PDIA6: variants seen among roughly 807,000 people sequenced by gnomAD.
PDIA6 encodes the protein protein disulfide-isomerase A6.
In PDIA6, 29 loss-of-function variants were observed where a neutral mutation model predicts 58.4. The ratio of observed to expected loss-of-function variants is 0.50; its 90% CI spans 0.37 to 0.68. The LOEUF is 0.68. Ranked by LOEUF, PDIA6 falls within the 30% of genes least tolerant of loss-of-function variation. The pLI is 0.00. For missense variants in PDIA6, 480 were observed against 551.0 expected (o/e 0.87, Z 1.29); for synonymous variants, 192 against 202.6 (o/e 0.95, Z 0.44).
intron 1 of PDIA6, among the ~76,000 whole-genome samples, chr2:10,825,515 A>G (rs1686490): frequency 0.99 from 151,020 of 152,306 alleles, 74,889 homozygotes; most frequent in Middle Eastern, 1. Flanking sequence ...TTTGTGCTTC[A>G]AAGGGCACCA....
chr2:10,834,733 T>TTCCTC (rs1667791394), upstream of PDIA6, among the ~76,000 whole-genome samples: 5 of 9,042 alleles, frequency 5.5e-4, no homozygotes, highest in African/African-American at 1.6e-3. Context: ...CTTCCTTCCC[T>TTCCTC]CCTTCCTTCC....
intron 2 of PDIA6, among the ~76,000 whole-genome samples, chr2:10,800,925 A>G (rs991091079): frequency 2.6e-5 from 4 of 152,116 alleles, no homozygotes; most frequent in Admixed American, 6.5e-5. Flanking sequence ...AAGTTTTATT[A>G]TAAGAATCCA....
At chr2:10,827,168 A>G (rs1667576137) in intron 1 of PDIA6, among the ~76,000 whole-genome samples, 1 of 152,016 alleles carries the variant, frequency 6.6e-6, no homozygotes, top group Non-Finnish European at 1.5e-5. Context: ...GGTTTAAGCA[A>G]TTTCCTGCCT....
chr2:10,807,481 C>T (rs1175083436), intron 1 of PDIA6, among the ~76,000 whole-genome samples: 5 of 152,312 alleles, frequency 3.3e-5, no homozygotes, highest in East Asian at 1.9e-4. Flanking sequence ...TGAGTGACCA[C>T]GCCAGGCCAA....
At chr2:10,791,182 T>C (rs1269113193) in intron 6 of PDIA6, among the ~76,000 whole-genome samples, 2 of 151,718 alleles carry the variant, frequency 1.3e-5, no homozygotes, top group Admixed American at 6.6e-5. Context: ...CTCCTTCTAT[T>C]ATCCAGGATG....
At position 10,826,687 on chromosome 2, in the gene PDIA6, A is replaced by C. The variant is rs1247134533; in HGVS notation, c.-48+5515T>G. On this transcript the variant is annotated intron_variant, in intron 1 of 13. Transcript: ENST00000381611. ...ATTATACGCTTTAATTGGGTGAATCATATGGTGTGTGGATTATATCTCAAT... is the reference window on the plus strand; with the variant it reads ...ATTATACGCTTTAATTGGGTGAATCCTATGGTGTGTGGATTATATCTCAAT... 5.3e-5 allele frequency among the ~76,000 whole-genome samples: 8 copies of C among 152,260 alleles called. No individual in the cohort carries two copies. The East Asian group carries it at 1.4e-3, about 26-fold the overall frequency.
intron 1 of PDIA6, chr2:10,810,433 G>C (rs1042714490): frequency 7.1e-7 from 1 of 1,400,772 alleles, no homozygotes; most frequent in African/African-American, 1.5e-5. Context: ...GCAGTCACCA[G>C]AACAGACCAG....
Position 10,789,870 on chromosome 2 carries a change from A to G in PDIA6, c.719T>C (p.Ile240Thr), listed in dbSNP as rs1665952047. 1.9e-6 allele frequency: 3 copies of G among 1,613,644 alleles called. No individual in the cohort carries two copies. The highest frequency in any genetic ancestry group is 1.7e-6 in the Non-Finnish European group (2 of 1,179,636). The stretch of plus-strand genomic sequence containing the variant: ...AGACTCGCCTTTCTGAAATATCTTG[A>G]TTGTAGGAAATCCTCTAATCTATTA... Reference protein sequence around the residue: ...SRYGIRGFPTIKIFQKGESPV... With the variant: ...SRYGIRGFPTTKIFQKGESPV... Residue 240 changes from isoleucine (I) to threonine (T), a missense_variant, in exon 8 of 13, where the codon ATC becomes ACC. Physicochemically the swap from Ile to Thr is moderately conservative, Grantham distance 89. Coordinates refer to ENST00000272227, the MANE Select transcript of PDIA6 (RefSeq NM_005742.4).
At chr2:10,784,559 A>G (rs1665611386) in intron 12 of PDIA6, 1 of 502,356 alleles carries the variant, frequency 2.0e-6, no homozygotes, top group Non-Finnish European at 3.5e-6. Context: ...ACTGGAAGCC[A>G]CTTGAACGTG....
chr2:10,803,796 G>C (rs145937321), intron 1 of PDIA6, among the ~76,000 whole-genome samples: 1 of 152,228 alleles, frequency 6.6e-6, no homozygotes, highest in African/African-American at 2.4e-5. Flanking sequence ...CATATATGAG[G>C]GTGGTCCTGT....
chr2:10,800,580 AT>A (rs954768324), intron 2 of PDIA6, among the ~76,000 whole-genome samples: 29 of 40,398 alleles, frequency 7.2e-4, no homozygotes, highest in African/African-American at 1.1e-3. Context: ...TTTGATTTTG[AT>A]TTTTTTTTTT....
chr2:10,810,377 A>C (rs989353794), intron 1 of PDIA6: 1 of 1,500,566 alleles, frequency 6.7e-7, no homozygotes, highest in Admixed American at 2.1e-5. Context: ...AATCAAGGAC[A>C]GCAATAACGT....
chr2:10,832,008 C>G (rs1197334362), intron 1 of PDIA6, among the ~76,000 whole-genome samples: 1 of 103,298 alleles, frequency 9.7e-6, no homozygotes, highest in Admixed American at 1.5e-4. Context: ...CAGAGCAAGA[C>G]CCTGTCTCAA....
At chr2:10,797,602 A>G (rs1666324304) in intron 3 of PDIA6, 98 bp downstream of exon 3, 2 of 828,776 alleles carry the variant, frequency 2.4e-6, no homozygotes, top group East Asian at 2.4e-5. Context: ...AACCATCTGC[A>G]TACTTATTAC....
intron 11 of PDIA6, among the ~76,000 whole-genome samples, chr2:10,785,401 G>C (rs1452901154): frequency 6.6e-6 from 1 of 152,212 alleles, no homozygotes; most frequent in African/African-American, 2.4e-5. Context: ...TGTACAGAGG[G>C]AGCATATCAG....
intron 11 of PDIA6, 110 bp downstream of exon 11, chr2:10,787,170 AT>A: frequency 2.2e-6 from 2 of 911,854 alleles, no homozygotes; most frequent in Non-Finnish European, 3.5e-6. Flanking sequence ...ATTAGTTTGC[AT>A]TTTAAATTCC....
chr2:10,788,630 A>C, intron 10 of PDIA6, 67 bp downstream of exon 10: 3 of 1,043,816 alleles, frequency 2.9e-6, no homozygotes, highest in Non-Finnish European at 4.5e-6. Context: ...ACACGGGGGA[A>C]CCACTCTCAA....
intron 2 of PDIA6, among the ~76,000 whole-genome samples, chr2:10,802,123 C>T (rs1475662524): frequency 6.6e-6 from 1 of 152,206 alleles, no homozygotes; most frequent in Non-Finnish European, 1.5e-5. Context: ...TTTTACCCCA[C>T]AAGGGTTCTT....
At position 10,786,411 on chromosome 2, in the gene PDIA6, G is replaced by C. The variant is rs569559777; in HGVS notation, c.1157+870C>G. On this transcript the variant is annotated intron_variant, in intron 11 of 12. Transcript: ENST00000272227. ...AGCCACAGTCTGCCCCCCGCCGGCAGAGGCTGAAGCAGCTGATCTCACAGG... is the reference window on the plus strand; with the variant it reads ...AGCCACAGTCTGCCCCCCGCCGGCACAGGCTGAAGCAGCTGATCTCACAGG... Among the ~76,000 whole-genome samples the C allele has an allele frequency of 1.2e-3, 177 of 151,902 alleles. 2 individuals are homozygous for C. Among genetic ancestry groups the C allele is most frequent in the African/African-American group, 3.7e-3 (153 of 41,500 alleles).
Sources: gnomAD v4.1 joint callset for allele counts (sites outside exome capture counted in the v4.1 genomes callset) on GRCh38, gnomAD v4.1.1 for gene constraint, MANE v1.5 for transcripts, NCBI Gene and HGNC (gene_info 2026-07-23, HGNC 2026-07-21) for gene names.